GATA4: variants seen among roughly 807,000 people sequenced by gnomAD.
GATA4 encodes transcription factor GATA-4.
Under a neutral mutation model 37.9 loss-of-function variants are expected in GATA4, and 7 were observed. The observed-to-expected ratio is 0.18, with a 90% CI of 0.11 to 0.35. The LOEUF (loss-of-function observed/expected upper bound fraction) is 0.35, where lower values mean the gene tolerates loss of function less well. GATA4 is among the 10% of genes least tolerant of loss of function. The pLI, the probability that GATA4 is intolerant of heterozygous loss-of-function variation, is 1.00. For missense variants in GATA4, 647 were observed against 653.0 expected, an observed-to-expected ratio of 0.99 and a Z score of 0.10; for synonymous variants, 372 against 292.6, an observed-to-expected ratio of 1.27 and a Z score of -2.77.
At chr8:11,703,760 A>C (rs566558700), upstream of GATA4, among the ~76,000 whole-genome samples, 1 of 152,300 alleles carries the variant, frequency 6.6e-6, no homozygotes, top group Non-Finnish European at 1.5e-5. Flanking sequence ...CCTGCCCAGG[A>C]ACTAGCATCC....
intron 6 of GATA4, 94 bp from the exon 7 acceptor site, chr8:11,758,199 G>C: frequency 8.1e-7 from 1 of 1,231,356 alleles, no homozygotes; most frequent in Non-Finnish European, 1.2e-6. Context: ...CCATCCTGGG[G>C]ACATCTGCAT....
upstream of GATA4, among the ~76,000 whole-genome samples, chr8:11,703,575 G>A (rs1372927021): frequency 7.2e-5 from 11 of 152,254 alleles, no homozygotes; most frequent in Admixed American, 5.9e-4. Context: ...GCCAGGAAGG[G>A]ATGCAGATTG....
chr8:11,741,992 C>T (rs1801761604), intron 2 of GATA4, among the ~76,000 whole-genome samples: 1 of 152,186 alleles, frequency 6.6e-6, no homozygotes, highest in African/African-American at 2.4e-5. Context: ...GGTTCGATCC[C>T]ACTTTGCTGT....
At chr8:11,739,804 G>A (rs1433440101) in intron 2 of GATA4, among the ~76,000 whole-genome samples, 1 of 150,434 alleles carries the variant, frequency 6.6e-6, no homozygotes, top group African/African-American at 2.4e-5. Flanking sequence ...CGAGGACTGG[G>A]AGCTCAGATG....
chr8:11,750,274 C>G, intron 4 of GATA4, 38 bp downstream of exon 4: 1 of 1,608,990 alleles, frequency 6.2e-7, no homozygotes, highest in Non-Finnish European at 8.5e-7. Flanking sequence ...TCCTTGCCTT[C>G]TGATGCCCAT....
chr8:11,757,080 C>T lies in GATA4; in HGVS notation c.1146C>T (p.Ser382=). Residue 382 remains serine, a synonymous_variant, in exon 6 of 7, where the codon TCC becomes TCT. Coordinates refer to ENST00000532059, the MANE Select transcript of GATA4 (RefSeq NM_001308093.3). ...ACTACGGGCACAGCAGCTCCGTGTC[C>T]CAGGTACGCGCCATGGCTGGGGCGC... ...SSHYGHSSSV[S]QTFSVSAMSG... is the part of the protein sequence containing the mutation. 6.2e-7 allele frequency: 1 copy of T among 1,613,972 alleles called. No individual in the cohort carries two copies. The highest frequency in any genetic ancestry group is 8.5e-7 in the Non-Finnish European group (1 of 1,179,878).
chr8:11,724,098 T>G (rs1310934660), intron 2 of GATA4, among the ~76,000 whole-genome samples: 1 of 152,204 alleles, frequency 6.6e-6, no homozygotes, highest in Non-Finnish European at 1.5e-5. Flanking sequence ...TGGCATAGTG[T>G]CTTCAAGGTT....
Position 11,707,995 on chromosome 8 carries a change from C to G in GATA4, c.-318C>G. 2.5e-6 allele frequency: 1 copy of G among 398,694 alleles called. No individual in the cohort carries two copies. The highest frequency in any genetic ancestry group is 4.7e-6 in the Non-Finnish European group (1 of 210,584). 24.7% of individuals were successfully genotyped at this position (398,694 alleles called of 1,614,324 possible). On this transcript the variant is annotated 5_prime_UTR_variant, in exon 2 of 7. Coordinates refer to ENST00000532059, the MANE Select transcript of GATA4 (RefSeq NM_001308093.3). The surrounding 1 kb of genome is among the most constrained non-coding windows in gnomAD (Gnocchi z 4.7). ...CACCTCCAGGCCTGGACGCTGCCCTCCGTCTTCTGCCCCCAATAGGTGCGC... is the reference window on the plus strand; with the variant it reads ...CACCTCCAGGCCTGGACGCTGCCCTGCGTCTTCTGCCCCCAATAGGTGCGC...
At position 11,725,013 on chromosome 8, in the gene GATA4, C is replaced by T. The variant is rs1800848480; in HGVS notation, c.616+16085C>T. ...GTACACGGGCTGGGGGTGGGTCATC[C>T]TGACGTTGCCCGCTCAGGGGTGGCC... On this transcript the variant is annotated intron_variant, in intron 2 of 6. Coordinates refer to ENST00000532059, the MANE Select transcript of GATA4 (RefSeq NM_001308093.3). 2.0e-5 allele frequency among the ~76,000 whole-genome samples: 3 copies of T among 152,252 alleles called. No individual in the cohort carries two copies. The South Asian group carries it at 6.2e-4, about 31-fold the overall frequency.
chr8:11,691,344 A>G (rs1244249709), upstream of GATA4, among the ~76,000 whole-genome samples: 1 of 152,212 alleles, frequency 6.6e-6, no homozygotes, highest in Non-Finnish European at 1.5e-5. Flanking sequence ...TCTGTTGCCC[A>G]GGCTGGCGTG....
Position 11,708,657 on chromosome 8 carries a change from G to C in GATA4, c.345G>C (p.Gly115=), listed in dbSNP as rs1800012077. 1 of 1,306,560 alleles carries C rather than the reference G, an allele frequency of 7.7e-7. No homozygotes were observed. Among genetic ancestry groups the C allele is most frequent in the South Asian group, 2.4e-5 (1 of 42,400 alleles). The allele number at this position is 1,306,560 out of a possible 1,614,324, so 80.9% of individuals were successfully genotyped here. Residue 115 remains glycine, a synonymous_variant, in exon 2 of 7, where the codon GGG becomes GGC. Coordinates refer to ENST00000532059, the MANE Select transcript of GATA4 (RefSeq NM_001308093.3). This position sits in a 1 kb window ranked among gnomAD's most constrained non-coding sequence, Gnocchi z 6.7. ...GCTTCTCCTTCCCGGGGACCACCGG[G>C]TCCCTGGCGGCCGCCGCCGCCGCTG... ...SPRFSFPGTT[G]SLAAAAAAAA...
At chr8:11,739,991 C>G (rs1445357851) in intron 2 of GATA4, among the ~76,000 whole-genome samples, 3 of 152,222 alleles carry the variant, frequency 2.0e-5, no homozygotes, top group Admixed American at 1.3e-4. Context: ...GCCGACTCAA[C>G]AAGGCAGTGG....
chr8:11,695,836 A>C (rs1799493332), intron 1 of GATA4, among the ~76,000 whole-genome samples: 4 of 152,316 alleles, frequency 2.6e-5, no homozygotes, highest in Admixed American at 1.3e-4. Flanking sequence ...ATACATGCTC[A>C]AGATAGGCAC....
intron 1 of GATA4, among the ~76,000 whole-genome samples, chr8:11,683,715 C>G (rs1799050878): frequency 6.6e-6 from 1 of 152,228 alleles, no homozygotes; most frequent in African/African-American, 2.4e-5. Context: ...CCCGCAACTG[C>G]TCACTTGTTT....
At chr8:11,681,561 T>G in intron 1 of GATA4, 5 of 697,962 alleles carry the variant, frequency 7.2e-6, no homozygotes, top group Non-Finnish European at 8.8e-6. Context: ...AGATACTGAA[T>G]ATAATTTCTC....
chr8:11,756,443 G>T (rs889749280), intron 5 of GATA4: 2 of 230,596 alleles, frequency 8.7e-6, no homozygotes, highest in Admixed American at 1.0e-4. Flanking sequence ...TACGGTTCAG[G>T]CGCACGATTC....
intron 2 of GATA4, among the ~76,000 whole-genome samples, chr8:11,741,535 C>T (rs1230907503): frequency 2.0e-5 from 3 of 151,996 alleles, no homozygotes; most frequent in Admixed American, 1.3e-4. Flanking sequence ...TCCACAAGTT[C>T]GCGGACTTAG....
At chr8:11,745,572 T>G (rs1409603075) in intron 2 of GATA4, among the ~76,000 whole-genome samples, 1 of 151,632 alleles carries the variant, frequency 6.6e-6, no homozygotes, top group African/African-American at 2.4e-5. Context: ...GGGGACAGAG[T>G]GAGACCCTGT....
intron 1 of GATA4, among the ~76,000 whole-genome samples, chr8:11,696,428 GC>G (rs1219164855): frequency 1.4e-3 from 1 of 720 alleles, no homozygotes; most frequent in African/African-American, 5.2e-3. Flanking sequence ...CATTAGTGTT[GC>G]TGGGGTGTTT....
Sources: allele counts gnomAD v4.1 joint callset (sites outside exome capture counted in the v4.1 genomes callset), GRCh38; gene constraint gnomAD v4.1.1; non-coding constraint Gnocchi (gnomAD v3.1); transcripts MANE v1.5; gene names NCBI Gene and HGNC (gene_info 2026-07-23, HGNC 2026-07-21).